KLHL32: variants seen among roughly 807,000 people sequenced by gnomAD.
KLHL32 encodes kelch-like protein 32.
Under a neutral mutation model 64.8 loss-of-function variants are expected in KLHL32, and 35 were observed. That is an observed-to-expected ratio of 0.54 (90% CI 0.41 to 0.72). KLHL32 has a LOEUF of 0.72. Among genes scored for constraint, KLHL32 ranks in the 30% least tolerant of loss-of-function variants. The pLI, the probability that KLHL32 is intolerant of heterozygous loss-of-function variation, is 0.00. For synonymous variants in KLHL32, 259 were observed against 281.0 expected, an observed-to-expected ratio of 0.92 and a Z score of 0.78; for missense variants, 589 against 768.5, an observed-to-expected ratio of 0.77 and a Z score of 2.76.
Position 97,055,796 on chromosome 6 carries a change from T to TAAAAAAA in KLHL32, c.313-8812_313-8806dup, listed in dbSNP as rs750242567. Among the ~76,000 whole-genome samples the TAAAAAAA allele has an allele frequency of 2.9e-3, 231 of 80,982 alleles. 31 individuals are homozygous for TAAAAAAA. The highest frequency in any genetic ancestry group is 7.6e-3 in the Middle Eastern group (1 of 132). The allele number at this position is 80,982 out of a possible 152,430, so 53.1% of individuals were successfully genotyped here. ...CGAGGTAACAGACTGAGAACCTGTC[T>TAAAAAAA]AAAAAAAAAAAAAAAAAAAAAAAAA... On this transcript the variant is annotated intron_variant, in intron 4 of 10. Coordinates refer to ENST00000369261, the MANE Select transcript of KLHL32 (RefSeq NM_052904.4).
At chr6:96,914,626 C>T in the KLHL32 span, 1 of 152,150 alleles carries the variant, frequency 6.6e-6, no homozygotes, top group African/African-American at 2.4e-5. Flanking sequence ...TTTCCATTTC[C>T]ATGGTCCTCA....
chr6:97,066,511 A>G (rs1582906339), intron 5 of KLHL32, among the ~76,000 whole-genome samples: 1 of 152,182 alleles, frequency 6.6e-6, no homozygotes, highest in African/African-American at 2.4e-5. Context: ...GTGGACCGTT[A>G]TTATTCAGGC....
intron 6 of KLHL32, among the ~76,000 whole-genome samples, chr6:97,098,883 G>A (rs4839898): frequency 0.068 from 10,392 of 152,194 alleles, 474 homozygotes; most frequent in Non-Finnish European, 0.1. Context: ...AAGATAATTT[G>A]GAGAGAAGTG....
chr6:97,038,639 C>G (rs1297495426), intron 3 of KLHL32, among the ~76,000 whole-genome samples: 1 of 151,930 alleles, frequency 6.6e-6, no homozygotes, highest in Non-Finnish European at 1.5e-5. Flanking sequence ...TAGCATATGA[C>G]TCAGCAATTT....
chr6:97,113,396 T>C (rs1010316317), intron 6 of KLHL32, among the ~76,000 whole-genome samples: 10 of 152,172 alleles, frequency 6.6e-5, no homozygotes, highest in African/African-American at 2.4e-4. Flanking sequence ...TGAGCTTTGA[T>C]GACACCTCCC....
chr6:97,050,090 G>A (rs1481331722), intron 4 of KLHL32, among the ~76,000 whole-genome samples: 2 of 152,170 alleles, frequency 1.3e-5, no homozygotes, highest in African/African-American at 2.4e-5. Context: ...AAAGCCATTC[G>A]TTCAGCAGAT....
chr6:97,014,606 G>T (rs1487381355), intron 3 of KLHL32, among the ~76,000 whole-genome samples: 1 of 152,112 alleles, frequency 6.6e-6, no homozygotes, highest in Admixed American at 6.5e-5. Context: ...AATTCTGATT[G>T]TCTACTATAA....
chr6:96,987,389 C>T (rs972104903), intron 3 of KLHL32, among the ~76,000 whole-genome samples: 6 of 152,082 alleles, frequency 3.9e-5, no homozygotes, highest in African/African-American at 1.4e-4. Context: ...GAATGTGTCC[C>T]AGAGATTCTG....
chr6:97,013,796 T>G (rs1410171045), intron 3 of KLHL32, among the ~76,000 whole-genome samples: 1 of 152,230 alleles, frequency 6.6e-6, no homozygotes, highest in Non-Finnish European at 1.5e-5. Flanking sequence ...CAGCGTATTA[T>G]GGGAGTCAAG....
chr6:97,079,662 G>T (rs1307923051), intron 5 of KLHL32, among the ~76,000 whole-genome samples: 1 of 152,004 alleles, frequency 6.6e-6, no homozygotes, highest in Non-Finnish European at 1.5e-5. Flanking sequence ...CACATTTTAT[G>T]GCTCCTCTTC....
chr6:97,083,344 C>T (rs1792876709), intron 5 of KLHL32, among the ~76,000 whole-genome samples: 3 of 151,220 alleles, frequency 2.0e-5, no homozygotes, highest in Non-Finnish European at 4.4e-5. Context: ...GAGCTGAGAT[C>T]GCACCACTGC....
chr6:97,129,667 A>C (rs567636982), intron 8 of KLHL32, among the ~76,000 whole-genome samples: 4 of 152,284 alleles, frequency 2.6e-5, no homozygotes, highest in African/African-American at 7.2e-5. Context: ...GGATCACCTG[A>C]GGTCAGGAGT....
the KLHL32 span, among the ~76,000 whole-genome samples, chr6:96,906,048 C>T: frequency 1.3e-5 from 2 of 152,070 alleles, no homozygotes; most frequent in Non-Finnish European, 2.9e-5. Context: ...TCTCCATTGT[C>T]CCTAGGAATT....
intron 1 of KLHL32, among the ~76,000 whole-genome samples, chr6:96,965,565 G>A (rs1049561205): frequency 1.3e-5 from 2 of 152,192 alleles, no homozygotes; most frequent in Non-Finnish European, 2.9e-5. Context: ...AAAGATTAAG[G>A]TGTTACAACT....
intron 6 of KLHL32, among the ~76,000 whole-genome samples, chr6:97,092,312 GT>G (rs553350140): frequency 9.9e-4 from 151 of 152,264 alleles, no homozygotes; most frequent in African/African-American, 3.5e-3. Flanking sequence ...ACATGCATGT[GT>G]TGTTACTATT....
In KLHL32 at chr6:97,041,616, G is replaced by C. The variant is rs751246743; in HGVS notation, c.312+17G>C. 2.1e-6 allele frequency: 3 copies of C among 1,449,234 alleles called. No homozygotes were observed. Among genetic ancestry groups the C allele is most frequent in the Non-Finnish European group, 2.9e-6 (3 of 1,030,644 alleles). The allele number at this position is 1,449,234 out of a possible 1,614,324, so 89.8% of individuals were successfully genotyped here. ...ACAGGACAGGTATGGTATTAAATGT[G>C]ATCTGTAAAGTTTAACATTTCAACT... On this transcript the variant is annotated intron_variant, in intron 4 of 10. Coordinates refer to ENST00000369261, the MANE Select transcript of KLHL32 (RefSeq NM_052904.4).
chr6:97,138,296 C>T (rs192370687), intron 10 of KLHL32, among the ~76,000 whole-genome samples: 33 of 152,154 alleles, frequency 2.2e-4, no homozygotes, highest in African/African-American at 6.5e-4. Flanking sequence ...CCCAGCACTT[C>T]GGGAGGCTGA....
At chr6:97,038,397 T>C (rs560990922) in intron 3 of KLHL32, among the ~76,000 whole-genome samples, 4 of 151,130 alleles carry the variant, frequency 2.6e-5, no homozygotes, top group African/African-American at 9.7e-5. Flanking sequence ...AGATGTCCAA[T>C]AGATATATTT....
intron 10 of KLHL32, among the ~76,000 whole-genome samples, chr6:97,138,599 CA>C (rs1314313745): frequency 6.6e-6 from 1 of 152,076 alleles, no homozygotes; most frequent in African/African-American, 2.4e-5. Context: ...AAAACTCCAG[CA>C]TGAACAGGAA....
Sources: allele counts gnomAD v4.1 joint callset (sites outside exome capture counted in the v4.1 genomes callset), GRCh38; gene constraint gnomAD v4.1.1; transcripts MANE v1.5; gene names NCBI Gene and HGNC (gene_info 2026-07-23, HGNC 2026-07-21).